Variants in FHIP1A observed in about 807,000 individuals in gnomAD.
FHIP1A encodes the protein FHF complex subunit HOOK-interacting protein 1A.
A neutral mutation model predicts 88.6 loss-of-function variants in FHIP1A; 61 were observed. The ratio of observed to expected loss-of-function variants is 0.69; its 90% confidence interval spans 0.56 to 0.85. The LOEUF (loss-of-function observed/expected upper bound fraction) is 0.85, where lower values mean the gene tolerates loss of function less well. FHIP1A is among the 40% of genes least tolerant of loss of function. The pLI is 0.00. For missense variants in FHIP1A, 1,154 were observed against 1,273.5 expected, an observed-to-expected ratio of 0.91 and a Z score of 1.43; for synonymous variants, 478 against 496.0, an observed-to-expected ratio of 0.96 and a Z score of 0.48.
At chr4:151,530,734 A>G (rs542074125) in intron 3 of FHIP1A, among the ~76,000 whole-genome samples, 26 of 152,282 alleles carry the variant, frequency 1.7e-4, no homozygotes, top group Admixed American at 3.3e-4. Context: ...CAAACAGTAT[A>G]GATTTTGGAG....
intron 2 of FHIP1A, among the ~76,000 whole-genome samples, chr4:151,458,422 A>G (rs1245951466): frequency 6.6e-6 from 1 of 152,122 alleles, no homozygotes; most frequent in African/African-American, 2.4e-5. Flanking sequence ...GCTCTAGGAA[A>G]GTCTTCACCA....
chr4:151,565,722 A>G (rs1733361091), intron 3 of FHIP1A, among the ~76,000 whole-genome samples: 1 of 152,014 alleles, frequency 6.6e-6, no homozygotes. Context: ...AAACACTGGT[A>G]TCATAATAGT....
chr4:151,559,289 G>A (rs1353302924), intron 3 of FHIP1A, among the ~76,000 whole-genome samples: 1 of 149,552 alleles, frequency 6.7e-6, no homozygotes, highest in African/African-American at 2.6e-5. Flanking sequence ...TATTTAAGTT[G>A]TTCTTTTGCT....
At chr4:151,636,297 A>C (rs550550705) in intron 8 of FHIP1A, among the ~76,000 whole-genome samples, 17 of 152,144 alleles carry the variant, frequency 1.1e-4, no homozygotes, top group South Asian at 4.1e-4. Flanking sequence ...GCATCTATGA[A>C]AAAGTCAGAG....
chr4:151,617,052 A>G (rs901652434), intron 7 of FHIP1A, among the ~76,000 whole-genome samples: 14 of 152,092 alleles, frequency 9.2e-5, no homozygotes, highest in African/African-American at 3.4e-4. Flanking sequence ...CCTCCCCTGA[A>G]TATGTACTTT....
intron 3 of FHIP1A, among the ~76,000 whole-genome samples, chr4:151,509,085 G>A (rs1206862764): frequency 3.9e-5 from 6 of 152,122 alleles, no homozygotes; most frequent in South Asian, 4.1e-4. Flanking sequence ...AATATTACTC[G>A]AGGAGAGTAA....
chr4:151,475,411 G>A (rs541424587), intron 2 of FHIP1A, among the ~76,000 whole-genome samples: 3 of 152,304 alleles, frequency 2.0e-5, no homozygotes, highest in South Asian at 4.1e-4. Flanking sequence ...ATTGGAATGC[G>A]ATTTCTATTT....
chr4:151,650,144 T>C lies in FHIP1A; in HGVS notation c.2103T>C (p.Asn701=). Reference sequence around the variant, plus strand: ...CAGAGGAGGAGTGGAATAGGGACAATTCAGACCCGTTTCACAGTGAGCCCA... The same window carrying C: ...CAGAGGAGGAGTGGAATAGGGACAACTCAGACCCGTTTCACAGTGAGCCCA... ...TDSEEEWNRD[N]SDPFHSEPKE... is the part of the protein sequence containing the mutation. The change falls in exon 11 of 14, where the codon AAT becomes AAC. Residue 701 remains asparagine (N), a synonymous_variant. Transcript: ENST00000435205. The C allele has an allele frequency of 6.4e-7, 1 of 1,551,558 alleles. No homozygotes were observed. Among genetic ancestry groups the C allele is most frequent in the Non-Finnish European group, 8.7e-7 (1 of 1,146,966 alleles).
intron 2 of FHIP1A, 134 bp downstream of exon 2, chr4:151,454,942 C>T (rs1054051957): frequency 1.3e-5 from 2 of 152,060 alleles, no homozygotes; most frequent in African/African-American, 2.4e-5. Context: ...TTCTTGGTGG[C>T]TTACGCTGGC....
chr4:151,581,187 A>C (rs990452898), intron 5 of FHIP1A, among the ~76,000 whole-genome samples: 3 of 152,172 alleles, frequency 2.0e-5, no homozygotes, highest in African/African-American at 7.2e-5. Flanking sequence ...AAAACACAGA[A>C]TCTTAGTGTA....
At chr4:151,458,234 C>T (rs1729031424) in intron 2 of FHIP1A, among the ~76,000 whole-genome samples, 1 of 152,150 alleles carries the variant, frequency 6.6e-6, no homozygotes, top group Non-Finnish European at 1.5e-5. Context: ...TGCTTTTAGG[C>T]CACAGAACTT....
At chr4:151,580,183 T>C (rs1733967969) in intron 5 of FHIP1A, among the ~76,000 whole-genome samples, 1 of 152,156 alleles carries the variant, frequency 6.6e-6, no homozygotes, top group African/African-American at 2.4e-5. Flanking sequence ...ACCTGCCACT[T>C]TTCTTCCCCA....
At chr4:151,498,391 T>A (rs774407032) in intron 3 of FHIP1A, among the ~76,000 whole-genome samples, 5 of 152,122 alleles carry the variant, frequency 3.3e-5, no homozygotes, top group Non-Finnish European at 7.4e-5. Context: ...AGGGAACAGT[T>A]GTCTTAAGGC....
intron 7 of FHIP1A, among the ~76,000 whole-genome samples, chr4:151,626,465 T>C (rs1265461117): frequency 6.6e-6 from 1 of 152,218 alleles, no homozygotes; most frequent in Admixed American, 6.5e-5. Flanking sequence ...CACATAATAG[T>C]GCTTAAGCAG....
chr4:151,531,954 A>G (rs1731891566), intron 3 of FHIP1A, among the ~76,000 whole-genome samples: 1 of 152,238 alleles, frequency 6.6e-6, no homozygotes, highest in Non-Finnish European at 1.5e-5. Flanking sequence ...TATATAAGGA[A>G]TGTAAAAGAA....
chr4:151,504,343 T>C (rs1170955687), intron 3 of FHIP1A, among the ~76,000 whole-genome samples: 1 of 152,222 alleles, frequency 6.6e-6, no homozygotes, highest in Non-Finnish European at 1.5e-5. Flanking sequence ...TAGGTTAGAC[T>C]TAACATGAGT....
intron 3 of FHIP1A, among the ~76,000 whole-genome samples, chr4:151,491,028 C>T (rs1358386061): frequency 6.6e-6 from 1 of 151,802 alleles, no homozygotes; most frequent in Non-Finnish European, 1.5e-5. Context: ...ATTGGTATTC[C>T]TAAGGAAGAA....
intron 3 of FHIP1A, among the ~76,000 whole-genome samples, chr4:151,558,738 G>C (rs1437139861): frequency 6.6e-6 from 1 of 152,180 alleles, no homozygotes; most frequent in African/African-American, 2.4e-5. Flanking sequence ...AACCATTGAG[G>C]CTCCCTGAAA....
At chr4:151,476,407 C>T (rs1480265312) in intron 2 of FHIP1A, among the ~76,000 whole-genome samples, 1 of 152,050 alleles carries the variant, frequency 6.6e-6, no homozygotes, top group Non-Finnish European at 1.5e-5. Flanking sequence ...CCTCATCCTC[C>T]AGAAGTGCTG....
Sources: gnomAD v4.1 joint callset for allele counts (sites outside exome capture counted in the v4.1 genomes callset) on GRCh38, gnomAD v4.1.1 for gene constraint, MANE v1.5 for transcripts, NCBI Gene and HGNC (gene_info 2026-07-23, HGNC 2026-07-21) for gene names.